GALNT10: variants seen among roughly 807,000 people sequenced by gnomAD.
The protein encoded by GALNT10 is polypeptide N-acetylgalactosaminyltransferase 10, also known as GalNAc transferase 10.
Under a neutral mutation model 75.0 loss-of-function variants are expected in GALNT10, and 41 were observed. The ratio of observed to expected loss-of-function variants is 0.55; its 90% CI spans 0.43 to 0.71. The LOEUF is 0.71. GALNT10 is among the 30% of genes least tolerant of loss of function. The pLI is 0.00. For missense variants in GALNT10, 727 were observed against 818.5 expected, an observed-to-expected ratio of 0.89 and a Z score of 1.36; for synonymous variants, 302 against 313.0, an observed-to-expected ratio of 0.96 and a Z score of 0.37.
At chr5:154,217,348 C>T (rs1752890959) in intron 1 of GALNT10, among the ~76,000 whole-genome samples, 1 of 152,186 alleles carries the variant, frequency 6.6e-6, no homozygotes, top group African/African-American at 2.4e-5. Context: ...GCAGATCACG[C>T]TCCTCTTGTG....
chr5:154,325,136 A>G (rs1009587710), intron 3 of GALNT10, among the ~76,000 whole-genome samples: 7 of 151,194 alleles, frequency 4.6e-5, no homozygotes, highest in Non-Finnish European at 8.8e-5. Context: ...GCTAAATGAA[A>G]TAAATGAGCC....
intron 1 of GALNT10, among the ~76,000 whole-genome samples, chr5:154,256,237 T>C (rs1020753167): frequency 2.0e-5 from 3 of 152,162 alleles, no homozygotes; most frequent in African/African-American, 7.2e-5. Flanking sequence ...TGCCAACTGC[T>C]GTCATGCAGG....
chr5:154,232,811 A>G (rs576958940), intron 1 of GALNT10, among the ~76,000 whole-genome samples: 65 of 152,354 alleles, frequency 4.3e-4, no homozygotes, highest in African/African-American at 1.4e-3. Flanking sequence ...ACTTGTTTTC[A>G]TGCATTTCTT....
chr5:154,256,235 G>T (rs2113020254), intron 1 of GALNT10, among the ~76,000 whole-genome samples: 1 of 152,212 alleles, frequency 6.6e-6, no homozygotes, highest in Middle Eastern at 3.4e-3. Context: ...CCTGCCAACT[G>T]CTGTCATGCA....
intron 3 of GALNT10, among the ~76,000 whole-genome samples, chr5:154,328,027 T>C (rs978205523): frequency 4.6e-5 from 7 of 150,990 alleles, no homozygotes; most frequent in Non-Finnish European, 1.0e-4. Flanking sequence ...AAATGCAGAC[T>C]GCAGGGACTC....
At chr5:154,404,906 T>C (rs1756242176) in intron 8 of GALNT10, among the ~76,000 whole-genome samples, 2 of 152,226 alleles carry the variant, frequency 1.3e-5, no homozygotes, top group African/African-American at 4.8e-5. Flanking sequence ...TTGCTTCAAT[T>C]AAATTGGCCA....
chr5:154,412,180 T>C lies in GALNT10; in HGVS notation c.1387-709T>C, dbSNP rs577218028. Among the ~76,000 whole-genome samples the C allele has an allele frequency of 1.3e-5, 2 of 152,250 alleles. No individual in the cohort carries two copies. The highest frequency in any genetic ancestry group is 2.9e-5 in the Non-Finnish European group (2 of 68,012). On this transcript the variant is annotated intron_variant, in intron 9 of 11. Transcript: ENST00000297107. This position sits in a 1 kb window ranked among gnomAD's most constrained non-coding sequence, Gnocchi z 4.2. ...CCACCACAGCCCCCTATCCCTCAGA[T>C]AAAGTAGGATTGATATCTGTAAGGT...
At chr5:154,210,285 C>T (rs1432543275) in intron 1 of GALNT10, among the ~76,000 whole-genome samples, 1 of 152,190 alleles carries the variant, frequency 6.6e-6, no homozygotes, top group Non-Finnish European at 1.5e-5. Context: ...AGCCTTGGCA[C>T]ATGTCACTCT....
chr5:154,411,422 T>C (rs550058496), intron 9 of GALNT10, among the ~76,000 whole-genome samples: 14 of 152,332 alleles, frequency 9.2e-5, no homozygotes, highest in Non-Finnish European at 1.8e-4. Context: ...GTCTTATTCT[T>C]GGATCCTGCA....
intron 4 of GALNT10, among the ~76,000 whole-genome samples, chr5:154,335,539 G>A (rs1409930117): frequency 3.9e-5 from 6 of 152,150 alleles, no homozygotes; most frequent in Admixed American, 1.3e-4. Flanking sequence ...GCTGGGAGTC[G>A]AGGAGAAAAT....
At chr5:154,297,904 C>T (rs372500405) in intron 2 of GALNT10, 37 bp from the exon 3 acceptor site, 102 of 1,595,176 alleles carry the variant, frequency 6.4e-5, no homozygotes, top group Non-Finnish European at 8.0e-5. Context: ...GTACCCCATA[C>T]ATCATTAGCA....
chr5:154,302,466 A>C (rs1428752876), intron 3 of GALNT10, among the ~76,000 whole-genome samples: 1 of 152,224 alleles, frequency 6.6e-6, no homozygotes, highest in Non-Finnish European at 1.5e-5. Flanking sequence ...ACTCCCTGGG[A>C]GCCCTGCTGG....
chr5:154,293,609 A>ATTTTTTT (rs1466080479), intron 1 of GALNT10, among the ~76,000 whole-genome samples: 1 of 122,706 alleles, frequency 8.1e-6, no homozygotes, highest in African/African-American at 3.4e-5. Flanking sequence ...ATATATATAT[A>ATTTTTTT]TATATTTTTT....
chr5:154,270,887 G>A (rs184546617), intron 1 of GALNT10, among the ~76,000 whole-genome samples: 226 of 151,704 alleles, frequency 1.5e-3, no homozygotes, highest in African/African-American at 5.3e-3. Flanking sequence ...CCAGCTACTC[G>A]GGAGGCTGAG....
Position 154,321,310 on chromosome 5 carries a change from C to CTTT in GALNT10, c.402-8253_402-8251dup, listed in dbSNP as rs34946323. 2.2e-3 allele frequency among the ~76,000 whole-genome samples: 321 copies of CTTT among 148,804 alleles called. 2 individuals carry two copies. Among genetic ancestry groups the CTTT allele is most frequent in the African/African-American group, 6.1e-3 (246 of 40,378 alleles). On this transcript the variant is annotated intron_variant, in intron 3 of 11. Transcript: ENST00000297107. The stretch of plus-strand genomic sequence containing the variant: ...AGATGTCACAAGTTTCTCCTCAAAA[C>CTTT]TTTTTTTTTTTCTCCTTGAGACACG...
chr5:154,325,502 A>G (rs1041106818), intron 3 of GALNT10, among the ~76,000 whole-genome samples: 5 of 152,218 alleles, frequency 3.3e-5, no homozygotes, highest in Middle Eastern at 3.2e-3. Flanking sequence ...AATATATAAG[A>G]AAGTTTATAC....
chr5:154,348,883 T>A (rs539550334), intron 4 of GALNT10, among the ~76,000 whole-genome samples: 1 of 152,322 alleles, frequency 6.6e-6, no homozygotes, highest in South Asian at 2.1e-4. Flanking sequence ...TCTTAGATGA[T>A]GTTTACTTCT....
intron 1 of GALNT10, among the ~76,000 whole-genome samples, chr5:154,263,281 T>A (rs961768230): frequency 2.0e-5 from 3 of 152,206 alleles, no homozygotes; most frequent in Non-Finnish European, 2.9e-5. Context: ...ATAAAATATG[T>A]GTATATATAC....
At chr5:154,328,944 T>G (rs947535578) in intron 3 of GALNT10, among the ~76,000 whole-genome samples, 1 of 152,172 alleles carries the variant, frequency 6.6e-6, no homozygotes, top group Non-Finnish European at 1.5e-5. Flanking sequence ...CATCATGATC[T>G]CCAGCTCCTG....
Sources: gnomAD v4.1 joint callset for allele counts (sites outside exome capture counted in the v4.1 genomes callset) on GRCh38, gnomAD v4.1.1 for gene constraint, Gnocchi (gnomAD v3.1) non-coding constraint, MANE v1.5 for transcripts, NCBI Gene and HGNC (gene_info 2026-07-23, HGNC 2026-07-21) for gene names.